Variants in CEP85L observed in about 807,000 individuals in gnomAD.
CEP85L encodes centrosomal protein 85L.
In CEP85L, 60 loss-of-function variants were observed where a neutral mutation model predicts 100.3. The observed-to-expected ratio is 0.60, with a 90% confidence interval of 0.49 to 0.74. The LOEUF (loss-of-function observed/expected upper bound fraction) is 0.74. Among genes scored for constraint, CEP85L ranks in the 30% least tolerant of loss-of-function variants. The pLI is 0.00. For missense variants in CEP85L, 973 were observed against 936.2 expected, an observed-to-expected ratio of 1.04 and a Z score of -0.51; for synonymous variants, 319 against 322.7, an observed-to-expected ratio of 0.99 and a Z score of 0.12.
intron 3 of CEP85L, chr6:118,558,698 CTA>C: frequency 1.9e-6 from 1 of 517,450 alleles, no homozygotes; most frequent in East Asian, 3.4e-5. Flanking sequence ...GGGAGAGAGA[CTA>C]TAGAAACATG....
At chr6:118,578,168 T>C (rs1780352304) in intron 2 of CEP85L, among the ~76,000 whole-genome samples, 1 of 152,168 alleles carries the variant, frequency 6.6e-6, no homozygotes, top group Non-Finnish European at 1.5e-5. Flanking sequence ...CGAGCACTTG[T>C]TCCTCAGCTT....
chr6:118,658,242 A>C (rs926110427), intron 1 of CEP85L, among the ~76,000 whole-genome samples: 2 of 152,212 alleles, frequency 1.3e-5, no homozygotes, highest in African/African-American at 4.8e-5. Context: ...TGGTCATAAA[A>C]ATAATACATA....
At chr6:118,610,410 G>A (rs1772528847) in intron 2 of CEP85L, among the ~76,000 whole-genome samples, 1 of 152,132 alleles carries the variant, frequency 6.6e-6, no homozygotes, top group Non-Finnish European at 1.5e-5. Context: ...CTCCTGTCCA[G>A]CAATATGGTG....
intron 2 of CEP85L, among the ~76,000 whole-genome samples, chr6:118,600,296 T>TGGGGGGGGGGGGGGGGGGGGGGG (rs1554228034): frequency 2.9e-5 from 1 of 34,176 alleles, no homozygotes. Context: ...TGAGCCTTCC[T>TGGGGGGGGGGGGGGGGGGGGGGG]GGGGGTGTGT....
Position 118,519,474 on chromosome 6 carries a change from G to GTGT in CEP85L, c.1139+4327_1139+4328insACA, listed in dbSNP as rs1475826517. 1.4e-3 allele frequency among the ~76,000 whole-genome samples: 61 copies of GTGT among 43,230 alleles called. 1 individual carries two copies. Among genetic ancestry groups the GTGT allele is most frequent in the Non-Finnish European group, 1.6e-3 (30 of 18,842 alleles). The allele number at this position is 43,230 out of a possible 152,430, so 28.4% of individuals were successfully genotyped here. ...TGTGTGTGTGTGTGTGTGTGTGTGT[G>GTGT]GCGGGGGGGGGTTGTGAAACTCCGT... On this transcript the variant is annotated intron_variant, in intron 4 of 12. Transcript: ENST00000368491.
At chr6:118,632,288 C>T (rs1774216190) in intron 2 of CEP85L, among the ~76,000 whole-genome samples, 165 bp downstream of exon 2, 1 of 152,034 alleles carries the variant, frequency 6.6e-6, no homozygotes, top group Non-Finnish European at 1.5e-5. Context: ...CGCGCCCGGT[C>T]GATTAGAGGG....
intron 11 of CEP85L, among the ~76,000 whole-genome samples, chr6:118,470,187 T>C (rs1425865294): frequency 6.6e-6 from 1 of 152,102 alleles, no homozygotes; most frequent in Non-Finnish European, 1.5e-5. Context: ...TACCTTCTTA[T>C]CTTGAAAACT....
intron 6 of CEP85L, among the ~76,000 whole-genome samples, chr6:118,489,986 C>T (rs12206186): frequency 1.3e-5 from 2 of 150,078 alleles, no homozygotes; most frequent in South Asian, 2.1e-4. Context: ...TATATATATA[C>T]ACACACACAC....
intron 3 of CEP85L, among the ~76,000 whole-genome samples, chr6:118,536,197 T>C (rs1171084755): frequency 2.0e-5 from 3 of 152,034 alleles, no homozygotes; most frequent in African/African-American, 7.2e-5. Context: ...CAAAACAACA[T>C]AGATTAAATT....
chr6:118,549,433 C>T (rs1583025280), intron 3 of CEP85L, among the ~76,000 whole-genome samples: 1 of 151,824 alleles, frequency 6.6e-6, no homozygotes, highest in East Asian at 1.9e-4. Flanking sequence ...TCAGGGCATA[C>T]AGAAAATTAC....
At chr6:118,518,788 G>A (rs1293785006) in intron 4 of CEP85L, among the ~76,000 whole-genome samples, 1 of 151,998 alleles carries the variant, frequency 6.6e-6, no homozygotes, top group African/African-American at 2.4e-5. Flanking sequence ...GAATTTGTTC[G>A]CTCTTGCCTC....
intron 2 of CEP85L, among the ~76,000 whole-genome samples, chr6:118,583,569 C>G (rs971883718): frequency 2.6e-5 from 4 of 152,136 alleles, no homozygotes; most frequent in African/African-American, 7.2e-5. Context: ...TGGAAGCTAA[C>G]ATTAATGTGG....
At chr6:118,585,815 T>A (rs1744139950) in intron 2 of CEP85L, among the ~76,000 whole-genome samples, 1 of 152,114 alleles carries the variant, frequency 6.6e-6, no homozygotes, top group Non-Finnish European at 1.5e-5. Context: ...TCCTTCCTCC[T>A]CAAACCCAAA....
chr6:118,669,370 A>G (rs1450222283), intron 1 of CEP85L, among the ~76,000 whole-genome samples: 1 of 152,196 alleles, frequency 6.6e-6, no homozygotes, highest in Admixed American at 6.5e-5. Flanking sequence ...AACAAATGTC[A>G]ACTTGAAAAG....
At chr6:118,611,277 CAA>C (rs1301399687) in intron 2 of CEP85L, among the ~76,000 whole-genome samples, 2 of 151,956 alleles carry the variant, frequency 1.3e-5, no homozygotes, top group Non-Finnish European at 2.9e-5. Context: ...CTACTCCACT[CAA>C]AGTGGTAAAA....
At chr6:118,565,447 C>A in intron 3 of CEP85L, 82 bp downstream of exon 3, 2 of 1,300,154 alleles carry the variant, frequency 1.5e-6, no homozygotes, top group Non-Finnish European at 2.2e-6. Context: ...TCTGTGAACA[C>A]TTGTTATATG....
At chr6:118,514,218 G>A (rs1453238200) in intron 4 of CEP85L, among the ~76,000 whole-genome samples, 1 of 152,048 alleles carries the variant, frequency 6.6e-6, no homozygotes, top group Non-Finnish European at 1.5e-5. Flanking sequence ...AAGATCAGAT[G>A]GGACAATAAG....
chr6:118,679,493 G>GT (rs1364981066), intron 1 of CEP85L, among the ~76,000 whole-genome samples: 13 of 152,210 alleles, frequency 8.5e-5, no homozygotes, highest in African/African-American at 2.7e-4. Context: ...CCTGAAGTTA[G>GT]TTTTTTCCAC....
At chr6:118,522,397 A>G (rs1776719015) in intron 4 of CEP85L, among the ~76,000 whole-genome samples, 1 of 152,190 alleles carries the variant, frequency 6.6e-6, no homozygotes, top group African/African-American at 2.4e-5. Flanking sequence ...AATTATAGGT[A>G]TTAAAAATAC....
Sources: allele counts gnomAD v4.1 joint callset (sites outside exome capture counted in the v4.1 genomes callset), GRCh38; gene constraint gnomAD v4.1.1; transcripts MANE v1.5; gene names NCBI Gene and HGNC (gene_info 2026-07-23, HGNC 2026-07-21).